The following PIK3C3 variants were observed in gnomAD, a reference collection of about 807,000 sequenced individuals.
PIK3C3 encodes phosphatidylinositol 3-kinase catalytic subunit type 3.
Under a neutral mutation model 126.1 loss-of-function variants are expected in PIK3C3, and 95 were observed. That is an observed-to-expected ratio of 0.75 (90% CI 0.64 to 0.89). PIK3C3 has a LOEUF of 0.89. Ranked by LOEUF, PIK3C3 falls within the 40% of genes least tolerant of loss-of-function variation. The pLI, the probability that PIK3C3 is intolerant of heterozygous loss-of-function variation, is 0.00. For synonymous variants in PIK3C3, 374 were observed against 360.0 expected, an observed-to-expected ratio of 1.04 and a Z score of -0.44; for missense variants, 829 against 1,063.2, an observed-to-expected ratio of 0.78 and a Z score of 3.06.
chr18:42,029,293 G>C, intron 14 of PIK3C3, 32 bp from the exon 15 acceptor site: 1 of 1,319,884 alleles, frequency 7.6e-7, no homozygotes, highest in South Asian at 1.2e-5. Context: ...ACGCAACATA[G>C]AACTAATTTT....
rs778847556 is a variant in PIK3C3 at position 41,955,372 on chromosome 18, T to G, written c.68+13T>G. On this transcript the variant is annotated intron_variant, in intron 1 of 24. Transcript: ENST00000262039. ...TCCAGCTTAAGATGTAAGAGAACACTCGGGACAGGGAGTGGGATTGCTGGG... is the reference window on the plus strand; with the variant it reads ...TCCAGCTTAAGATGTAAGAGAACACGCGGGACAGGGAGTGGGATTGCTGGG... 7.5e-6 allele frequency: 12 copies of G among 1,609,714 alleles called. No homozygotes were observed. The South Asian group carries it at 1.3e-4, about 18-fold the overall frequency.
chr18:42,014,452 C>T (rs1341389275), intron 11 of PIK3C3, among the ~76,000 whole-genome samples: 1 of 152,180 alleles, frequency 6.6e-6, no homozygotes, highest in Non-Finnish European at 1.5e-5. Context: ...CGTGTTACAA[C>T]TGTCCTCTGA....
chr18:41,972,807 C>G (rs188316686), intron 4 of PIK3C3, among the ~76,000 whole-genome samples: 53 of 152,116 alleles, frequency 3.5e-4, no homozygotes, highest in Admixed American at 1.2e-3. Context: ...TCGATATTCC[C>G]CTCTTCTTGA....
intron 2 of PIK3C3, among the ~76,000 whole-genome samples, chr18:41,958,124 C>T (rs924271811): frequency 6.6e-6 from 1 of 152,090 alleles, no homozygotes; most frequent in Admixed American, 6.6e-5. Flanking sequence ...ATGTTTGGAG[C>T]TCAGATTTTT....
intron 3 of PIK3C3, among the ~76,000 whole-genome samples, chr18:41,967,458 C>G (rs748939653): frequency 1.3e-5 from 2 of 152,098 alleles, no homozygotes; most frequent in African/African-American, 2.4e-5. Context: ...GCCTTTTCCC[C>G]TAAAGGGTTC....
At chr18:42,008,598 G>A (rs1289719551) in intron 10 of PIK3C3, among the ~76,000 whole-genome samples, 1 of 151,978 alleles carries the variant, frequency 6.6e-6, no homozygotes, top group Non-Finnish European at 1.5e-5. Context: ...TCACTCTTGA[G>A]AAAAATGGTG....
chr18:42,059,292 A>G (rs1432262336), intron 22 of PIK3C3, among the ~76,000 whole-genome samples: 1 of 152,218 alleles, frequency 6.6e-6, no homozygotes, highest in Non-Finnish European at 1.5e-5. Context: ...AGAATGGCTC[A>G]GTTTTACCTT....
Position 42,082,917 on chromosome 18 carries a change from C to A in PIK3C3, c.*1780C>A, listed in dbSNP as rs1264088329. 27 of 152,142 alleles carry A rather than the reference C, an allele frequency of 1.8e-4. No individual in the cohort carries two copies. Among genetic ancestry groups the A allele is most frequent in the Admixed American group, 1.8e-3 (27 of 15,268 alleles). The allele number at this position is 152,142 out of a possible 1,614,324, so 9.4% of individuals were successfully genotyped here. On this transcript the variant is annotated 3_prime_UTR_variant, in exon 25 of 25. Transcript: ENST00000262039. ...TAAGGAACTCAATAAATAATTTTGA[C>A]ACAAACATGAAATTCTAGAAGGGCA... is the stretch of plus-strand genomic sequence containing the variant.
intron 9 of PIK3C3, among the ~76,000 whole-genome samples, chr18:41,999,433 T>C (rs900007966): frequency 2.0e-5 from 3 of 152,142 alleles, no homozygotes; most frequent in Admixed American, 6.6e-5. Context: ...AAGATAATAG[T>C]GATGCACTGA....
At chr18:42,031,695 G>A (rs987812291) in intron 15 of PIK3C3, among the ~76,000 whole-genome samples, 3 of 152,132 alleles carry the variant, frequency 2.0e-5, no homozygotes, top group Non-Finnish European at 2.9e-5. Context: ...GGGATTACAG[G>A]CATGAGCCAC....
chr18:42,080,327 A>G (rs1986203672), intron 24 of PIK3C3, among the ~76,000 whole-genome samples: 1 of 152,174 alleles, frequency 6.6e-6, no homozygotes, highest in Non-Finnish European at 1.5e-5. Flanking sequence ...AGCCATCAAC[A>G]TCTTGGCATT....
In PIK3C3 at chr18:42,022,706, T is replaced by G. The variant is rs141227162; in HGVS notation, c.1484+2001T>G. 2.7e-3 allele frequency among the ~76,000 whole-genome samples: 414 copies of G among 152,276 alleles called. 1 individual carries two copies. Among genetic ancestry groups the G allele is most frequent in the African/African-American group, 9.3e-3 (387 of 41,552 alleles). ...AGAAAAAGAGTTTCCTGCTTTTACT[T>G]TAGCAGTTTAATATAATATTCATAA... On this transcript the variant is annotated intron_variant, in intron 13 of 24. Transcript: ENST00000262039.
intron 15 of PIK3C3, among the ~76,000 whole-genome samples, chr18:42,032,340 T>C (rs1054921688): frequency 6.6e-6 from 1 of 152,230 alleles, no homozygotes; most frequent in Admixed American, 6.5e-5. Flanking sequence ...TAAATCATTA[T>C]AGTCAATATT....
intron 4 of PIK3C3, among the ~76,000 whole-genome samples, chr18:41,976,968 G>C (rs905184339): frequency 1.6e-4 from 24 of 152,292 alleles, no homozygotes; most frequent in Middle Eastern, 3.4e-3. Flanking sequence ...AGTGACATAT[G>C]CTTAAGATCT....
At chr18:42,038,716 G>T in intron 17 of PIK3C3, 65 bp from the exon 18 acceptor site, 1 of 958,462 alleles carries the variant, frequency 1.0e-6, no homozygotes, top group South Asian at 1.4e-5. Flanking sequence ...TATACTATTT[G>T]CCCACAAAAC....
At chr18:41,964,082 G>C (rs1980234158) in intron 3 of PIK3C3, among the ~76,000 whole-genome samples, 1 of 151,944 alleles carries the variant, frequency 6.6e-6, no homozygotes, top group East Asian at 1.9e-4. Context: ...GGTTTCTTCT[G>C]TTGTGCTTTT....
chr18:41,956,782 C>T (rs1979798867), intron 1 of PIK3C3, among the ~76,000 whole-genome samples: 3 of 152,096 alleles, frequency 2.0e-5, no homozygotes, highest in African/African-American at 7.2e-5. Flanking sequence ...AGTGTTTATT[C>T]TCAGCTCTGT....
intron 4 of PIK3C3, among the ~76,000 whole-genome samples, chr18:41,977,005 GA>G (rs1216625402): frequency 3.9e-5 from 6 of 152,192 alleles, no homozygotes; most frequent in African/African-American, 1.4e-4. Context: ...GTGTTTGCAT[GA>G]AGAATGTATT....
chr18:41,990,142 T>C (rs1981702379), intron 5 of PIK3C3, among the ~76,000 whole-genome samples: 1 of 152,150 alleles, frequency 6.6e-6, no homozygotes, highest in Admixed American at 6.6e-5. Context: ...TGAAATAAAA[T>C]AGTTCTCATG....
Sources: allele counts gnomAD v4.1 joint callset (sites outside exome capture counted in the v4.1 genomes callset), GRCh38; gene constraint gnomAD v4.1.1; transcripts MANE v1.5; gene names NCBI Gene and HGNC (gene_info 2026-07-23, HGNC 2026-07-21).